The following ZNF423 variants were observed in gnomAD, a reference collection of about 807,000 sequenced individuals.
ZNF423 encodes the protein Ebf-associated zinc finger protein.
In ZNF423, 12 loss-of-function variants were observed where a neutral mutation model predicts 95.8. The observed-to-expected ratio is 0.13, with a 90% CI of 0.08 to 0.20. The LOEUF is 0.20. Ranked by LOEUF, ZNF423 falls within the 10% of genes least tolerant of loss-of-function variation. The pLI, the probability that ZNF423 is intolerant of heterozygous loss-of-function variation, is 1.00. For synonymous variants in ZNF423, 749 were observed against 711.9 expected, an observed-to-expected ratio of 1.05 and a Z score of -0.83; for missense variants, 1,316 against 1,737.1, an observed-to-expected ratio of 0.76 and a Z score of 4.31.
At position 49,637,075 on chromosome 16, in the gene ZNF423, C is replaced by A. The variant is rs748588025; in HGVS notation, c.2101G>T (p.Val701Leu). 2 of 1,613,806 alleles carry A rather than the reference C, an allele frequency of 1.2e-6. No homozygotes were observed. The highest frequency in any genetic ancestry group is 2.2e-5 in the South Asian group (2 of 91,082). ...AATTGCTTGTCGCAGCTCTCGCACA[C>A]ATAGTGGGTCGACGTGGTCATGTAA... ...VHYMTTSTHY[V>L]CESCDKQFSS... The change falls in exon 4 of 8, where the codon GTG (valine) becomes TTG (leucine). Residue 701 changes from valine (V) to leucine (L), a missense_variant. Around this residue, in one of 6 missense-constraint regions of ZNF423, gnomAD observed 620 missense variants for 775.6 expected, o/e 0.80. Coordinates refer to ENST00000563137, the MANE Select transcript of ZNF423 (RefSeq NM_001379286.1). This position sits in a 1 kb window ranked among gnomAD's most constrained non-coding sequence, Gnocchi z 5.6.
At chr16:49,522,328 C>T (rs973765193) in intron 7 of ZNF423, among the ~76,000 whole-genome samples, 5 of 152,102 alleles carry the variant, frequency 3.3e-5, no homozygotes, top group African/African-American at 9.7e-5. Context: ...GCATCATTTC[C>T]GAGGGGAAGC....
chr16:49,634,981 T>C (rs1399552756), intron 4 of ZNF423, among the ~76,000 whole-genome samples: 1 of 152,180 alleles, frequency 6.6e-6, no homozygotes, highest in East Asian at 1.9e-4. Flanking sequence ...GGTGCTTTGA[T>C]GAACAGGGAA....
chr16:49,745,267 A>C (rs113472365), intron 2 of ZNF423, among the ~76,000 whole-genome samples: 30 of 152,350 alleles, frequency 2.0e-4, no homozygotes, highest in Admixed American at 5.9e-4. Context: ...AAGACTGCTC[A>C]TAATTATTGC....
intron 1 of ZNF423, among the ~76,000 whole-genome samples, chr16:49,842,977 C>CAAAAAAAAAAAAAAAAAAAAAAAAAAA (rs71380379): frequency 1.0e-5 from 1 of 97,356 alleles, no homozygotes. Flanking sequence ...GACTCCGTCT[C>CAAAAAAAAAAAAAAAAAAAAAAAAAAA]AAAAAAAAAA....
chr16:49,505,102 C>T (rs1461675760), intron 7 of ZNF423, among the ~76,000 whole-genome samples: 4 of 152,150 alleles, frequency 2.6e-5, no homozygotes, highest in African/African-American at 9.7e-5. Flanking sequence ...ACTCTGCAAG[C>T]CTTTACCACT....
intron 2 of ZNF423, among the ~76,000 whole-genome samples, chr16:49,776,052 C>T (rs960501118): frequency 3.3e-5 from 5 of 152,214 alleles, no homozygotes; most frequent in Non-Finnish European, 7.3e-5. Context: ...AACACAGAGG[C>T]TTGGGCCATT....
rs150597282 is a variant in ZNF423 at position 49,528,712 on chromosome 16, C to T, written c.3602-3218G>A. On this transcript the variant is annotated intron_variant, in intron 5 of 7. Coordinates refer to ENST00000563137, the MANE Select transcript of ZNF423 (RefSeq NM_001379286.1). ...CCACTGGAGGGGTTAGAGGTACTCC[C>T]TTGGGTGTCCATTACGTGTATCTCT... Among the ~76,000 whole-genome samples, 26 of 151,102 alleles carry T rather than the reference C, an allele frequency of 1.7e-4. 1 individual carries two copies. Among genetic ancestry groups the T allele is most frequent in the Middle Eastern group, 3.4e-3 (1 of 294 alleles).
At chr16:49,500,811 G>A (rs1341435445) in intron 7 of ZNF423, among the ~76,000 whole-genome samples, 1 of 151,914 alleles carries the variant, frequency 6.6e-6, no homozygotes, top group African/African-American at 2.4e-5. Flanking sequence ...GGATGGCTGA[G>A]GCGGGAGGAT....
rs1011790604 is a variant in ZNF423, at chr16:49,603,632, A to T, written c.3601+22538T>A. Among the ~76,000 whole-genome samples, 1 of 151,898 alleles carries T rather than the reference A, an allele frequency of 6.6e-6. No individual in the cohort carries two copies. Among genetic ancestry groups the T allele is most frequent in the Non-Finnish European group, 1.5e-5 (1 of 67,966 alleles). On this transcript the variant is annotated intron_variant, in intron 5 of 7. Coordinates refer to ENST00000563137, the MANE Select transcript of ZNF423 (RefSeq NM_001379286.1). This position sits in a 1 kb window ranked among gnomAD's most constrained non-coding sequence, Gnocchi z 4.1. Reference sequence around the variant, plus strand: ...ACCATGTTGGCCAGGCTGGTCTCGAACTCCTGATCTCAGGTGATCCGCCCA... The same window carrying T: ...ACCATGTTGGCCAGGCTGGTCTCGATCTCCTGATCTCAGGTGATCCGCCCA...
intron 3 of ZNF423, among the ~76,000 whole-genome samples, chr16:49,683,336 A>G (rs930240396): frequency 6.6e-5 from 10 of 152,176 alleles, no homozygotes; most frequent in Admixed American, 4.6e-4. Context: ...GCTACAAATA[A>G]CTAAATACAA....
At chr16:49,804,264 T>G (rs1476408158) in intron 1 of ZNF423, among the ~76,000 whole-genome samples, 1 of 152,150 alleles carries the variant, frequency 6.6e-6, no homozygotes, top group African/African-American at 2.4e-5. Flanking sequence ...CAATCAGAGT[T>G]AAAATTCTGA....
intron 5 of ZNF423, among the ~76,000 whole-genome samples, chr16:49,548,431 C>T (rs763675832): frequency 1.3e-5 from 2 of 152,080 alleles, no homozygotes; most frequent in Non-Finnish European, 2.9e-5. Flanking sequence ...CACTGATAAG[C>T]AACGGCATTA....
intron 5 of ZNF423, among the ~76,000 whole-genome samples, chr16:49,553,473 A>G (rs1969712219): frequency 6.6e-6 from 1 of 151,690 alleles, no homozygotes; most frequent in African/African-American, 2.4e-5. Flanking sequence ...CAGCCTCCCA[A>G]GTAACTGGGA....
intron 5 of ZNF423, among the ~76,000 whole-genome samples, chr16:49,625,093 T>C (rs1050184868): frequency 6.6e-6 from 1 of 152,222 alleles, no homozygotes; most frequent in Non-Finnish European, 1.5e-5. Flanking sequence ...AAAGAAGTAG[T>C]TCAGGCCAGG....
chr16:49,672,486 T>C (rs1247090583), intron 3 of ZNF423, among the ~76,000 whole-genome samples: 1 of 151,842 alleles, frequency 6.6e-6, no homozygotes, highest in Non-Finnish European at 1.5e-5. Context: ...ATCCCCAGGG[T>C]GTCCCATAGT....
chr16:49,780,850 G>T (rs1247588091), intron 2 of ZNF423, among the ~76,000 whole-genome samples: 1 of 152,248 alleles, frequency 6.6e-6, no homozygotes, highest in East Asian at 1.9e-4. Context: ...TTAAAATGCT[G>T]GGAAATTCTA....
intron 5 of ZNF423, among the ~76,000 whole-genome samples, chr16:49,595,117 A>C (rs1255382124): frequency 6.6e-6 from 1 of 152,158 alleles, no homozygotes; most frequent in Non-Finnish European, 1.5e-5. Context: ...TAAAGGCGGG[A>C]GGGCAGGGAG....
At chr16:49,496,720 T>C (rs1967179494) in intron 7 of ZNF423, among the ~76,000 whole-genome samples, 1 of 152,182 alleles carries the variant, frequency 6.6e-6, no homozygotes, top group Admixed American at 6.5e-5. Flanking sequence ...CTACGGCAAA[T>C]GCTCCACAGA....
At chr16:49,506,041 G>A (rs1967619301) in intron 7 of ZNF423, among the ~76,000 whole-genome samples, 1 of 152,178 alleles carries the variant, frequency 6.6e-6, no homozygotes, top group Admixed American at 6.5e-5. Flanking sequence ...TCTCACCAGA[G>A]GGGTGTGTGC....
Sources: gnomAD v4.1 joint callset for allele counts (sites outside exome capture counted in the v4.1 genomes callset) on GRCh38, gnomAD v4.1.1 for gene constraint, gnomAD v4.1.1 regional missense constraint, Gnocchi (gnomAD v3.1) non-coding constraint, MANE v1.5 for transcripts, NCBI Gene and HGNC (gene_info 2026-07-23, HGNC 2026-07-21) for gene names.